The following NECAB1 variants were observed in gnomAD, a reference collection of about 807,000 sequenced individuals.
NECAB1 encodes N-terminal EF-hand calcium binding protein 1, also known as N-terminal EF-hand calcium-binding protein 1.
NECAB1 carries 29 observed loss-of-function variants against 57.5 expected under a neutral mutation model. The ratio of observed to expected loss-of-function variants is 0.50; its 90% CI spans 0.38 to 0.69. The LOEUF is 0.69. Ranked by LOEUF, NECAB1 falls within the 30% of genes least tolerant of loss-of-function variation. The pLI, the probability that NECAB1 is intolerant of heterozygous loss-of-function variation, is 0.00. For synonymous variants in NECAB1, 142 were observed against 147.7 expected (o/e 0.96, Z 0.28); for missense variants, 372 against 413.8 (o/e 0.90, Z 0.88).
chr8:90,917,217 C>A (rs2130117249), intron 5 of NECAB1, among the ~76,000 whole-genome samples: 1 of 152,186 alleles, frequency 6.6e-6, no homozygotes, highest in African/African-American at 2.4e-5. Context: ...GTCTATTTTG[C>A]AACTCTGCTG....
At chr8:90,798,619 G>C (rs1228687445) in intron 1 of NECAB1, among the ~76,000 whole-genome samples, 2 of 152,132 alleles carry the variant, frequency 1.3e-5, no homozygotes, top group Non-Finnish European at 2.9e-5. Flanking sequence ...TCACTGCAAA[G>C]GACATTATCT....
chr8:90,836,571 T>C (rs890814442), intron 3 of NECAB1, among the ~76,000 whole-genome samples: 2 of 152,224 alleles, frequency 1.3e-5, no homozygotes, highest in African/African-American at 4.8e-5. Context: ...TTCCTCAATC[T>C]TCCACCATCC....
intron 3 of NECAB1, among the ~76,000 whole-genome samples, chr8:90,869,918 C>T (rs989906638): frequency 6.6e-6 from 1 of 152,152 alleles, no homozygotes; most frequent in Non-Finnish European, 1.5e-5. Context: ...CCACCCAAAT[C>T]TCATGTTGAA....
chr8:90,928,560 C>G (rs1292478837), intron 8 of NECAB1, among the ~76,000 whole-genome samples: 1 of 152,200 alleles, frequency 6.6e-6, no homozygotes, highest in African/African-American at 2.4e-5. Flanking sequence ...AATAAATCTA[C>G]TGCACTGCCT....
chr8:90,860,986 A>G (rs955357531), intron 3 of NECAB1, among the ~76,000 whole-genome samples: 15 of 152,148 alleles, frequency 9.9e-5, no homozygotes, highest in African/African-American at 3.1e-4. Flanking sequence ...TAATTAATAG[A>G]TTGCTTTTAT....
intron 2 of NECAB1, among the ~76,000 whole-genome samples, chr8:90,803,491 A>G (rs1811794519): frequency 6.6e-6 from 1 of 152,168 alleles, no homozygotes; most frequent in African/African-American, 2.4e-5. Flanking sequence ...TCTTTCCATC[A>G]AAATTAGGAT....
At chr8:90,851,388 G>A (rs140856511) in intron 3 of NECAB1, among the ~76,000 whole-genome samples, 50 of 152,282 alleles carry the variant, frequency 3.3e-4, no homozygotes, top group African/African-American at 1.1e-3. Flanking sequence ...CCAGCAATTG[G>A]CATCTGCAGT....
intron 3 of NECAB1, among the ~76,000 whole-genome samples, chr8:90,865,467 C>A (rs1245959320): frequency 6.6e-6 from 1 of 152,070 alleles, no homozygotes; most frequent in African/African-American, 2.4e-5. Flanking sequence ...CTTCATAGCC[C>A]TCTATATATT....
chr8:90,822,809 T>C (rs1162883400), intron 2 of NECAB1, among the ~76,000 whole-genome samples: 1 of 151,830 alleles, frequency 6.6e-6, no homozygotes, highest in Non-Finnish European at 1.5e-5. Context: ...ATTCACTACA[T>C]ATCATAGTGT....
intron 9 of NECAB1, among the ~76,000 whole-genome samples, chr8:90,936,203 T>C (rs2130218611): frequency 6.6e-6 from 1 of 152,290 alleles, no homozygotes; most frequent in South Asian, 2.1e-4. Flanking sequence ...AAATGATCTA[T>C]CCTGATGCCC....
intron 5 of NECAB1, among the ~76,000 whole-genome samples, chr8:90,914,274 GA>G (rs1809898692): frequency 6.6e-6 from 1 of 152,074 alleles, no homozygotes; most frequent in Non-Finnish European, 1.5e-5. Flanking sequence ...TACATCCTAT[GA>G]AAAATTCTAT....
chr8:90,869,044 G>A (rs1054389106), intron 3 of NECAB1, among the ~76,000 whole-genome samples: 1 of 152,230 alleles, frequency 6.6e-6, no homozygotes, highest in Admixed American at 6.5e-5. Flanking sequence ...CTCCAGCCAC[G>A]GCTAAAAGGG....
intron 3 of NECAB1, among the ~76,000 whole-genome samples, chr8:90,865,749 T>C (rs2129825160): frequency 6.6e-6 from 1 of 152,324 alleles, no homozygotes; most frequent in South Asian, 2.1e-4. Flanking sequence ...TGTTCAGATA[T>C]GGGCTCAGTA....
At chr8:90,908,914 C>A (rs963889632) in intron 5 of NECAB1, among the ~76,000 whole-genome samples, 4 of 152,048 alleles carry the variant, frequency 2.6e-5, no homozygotes, top group Non-Finnish European at 4.4e-5. Flanking sequence ...TACTCATTTT[C>A]TCTGTATTGC....
chr8:90,949,982 C>A (rs1008740766), intron 11 of NECAB1, 98 bp downstream of exon 11: 2 of 694,794 alleles, frequency 2.9e-6, no homozygotes, highest in African/African-American at 3.6e-5. Context: ...TTCTCTTTTA[C>A]CTTACCTTAA....
At chr8:90,861,511 T>C (rs1157516873) in intron 3 of NECAB1, among the ~76,000 whole-genome samples, 1 of 152,172 alleles carries the variant, frequency 6.6e-6, no homozygotes, top group Non-Finnish European at 1.5e-5. Context: ...TGATGAAAAG[T>C]AATCAATTCC....
intron 10 of NECAB1, among the ~76,000 whole-genome samples, chr8:90,947,423 A>G (rs2130263110): frequency 6.7e-6 from 1 of 149,872 alleles, no homozygotes; most frequent in African/African-American, 2.4e-5. Flanking sequence ...TTTTTTCAGA[A>G]AGAATCTCGC....
intron 12 of NECAB1, among the ~76,000 whole-genome samples, chr8:90,952,798 T>TAAAATAAAATAAAA (rs4041466): frequency 0.03 from 4,114 of 138,218 alleles, 186 homozygotes; most frequent in African/African-American, 0.12. Flanking sequence ...AATAATAAAA[T>TAAAATAAAATAAAA]TAAAATAAAA....
chr8:90,857,893 T>C (rs931792050), intron 3 of NECAB1, among the ~76,000 whole-genome samples: 2 of 152,140 alleles, frequency 1.3e-5, no homozygotes, highest in Non-Finnish European at 2.9e-5. Flanking sequence ...AAAATATAGG[T>C]TTATGAAAAT....
Sources: gnomAD v4.1 joint callset for allele counts (sites outside exome capture counted in the v4.1 genomes callset) on GRCh38, gnomAD v4.1.1 for gene constraint, MANE v1.5 for transcripts, NCBI Gene and HGNC (gene_info 2026-07-23, HGNC 2026-07-21) for gene names.